The following ERC1 variants were observed in gnomAD, a reference collection of about 807,000 sequenced individuals.
The protein encoded by ERC1 is RAB6 interacting protein 2.
ERC1 carries 56 observed loss-of-function variants against 132.0 expected under a neutral mutation model. The observed-to-expected ratio is 0.42, with a 90% CI of 0.34 to 0.53. The LOEUF (loss-of-function observed/expected upper bound fraction) is 0.53. Ranked by LOEUF, ERC1 falls within the 20% of genes least tolerant of loss-of-function variation. The pLI is 0.03. For missense variants in ERC1, 1,202 were observed against 1,349.9 expected (o/e 0.89, Z 1.72); for synonymous variants, 478 against 476.1 (o/e 1.00, Z -0.05).
chr12:1,495,089 C>T lies in ERC1; in HGVS notation c.*4859C>T, dbSNP rs1163731294. On this transcript the variant is annotated 3_prime_UTR_variant, in exon 19 of 19. Coordinates refer to ENST00000360905, the MANE Select transcript of ERC1 (RefSeq NM_178040.4). ...GTAGAGGTTTCACAGTTTGTGACCCCATAACCACCCTCACCCGACGTGGGT... is the reference window on the plus strand; with the variant it reads ...GTAGAGGTTTCACAGTTTGTGACCCTATAACCACCCTCACCCGACGTGGGT... 4.4e-6 allele frequency: 1 copy of T among 229,850 alleles called. No homozygotes were observed. The allele number at this position is 229,850 out of a possible 1,614,324, so 14.2% of individuals were successfully genotyped here. A position where few individuals can be genotyped will look rare whatever the true frequency, so the allele number is the denominator to read the frequency against.
intron 3 of ERC1, among the ~76,000 whole-genome samples, chr12:1,102,584 C>T (rs1230076712): frequency 6.6e-6 from 1 of 152,198 alleles, no homozygotes; most frequent in African/African-American, 2.4e-5. Context: ...GTAGCCATTT[C>T]ATTCATTCAG....
intron 15 of ERC1, among the ~76,000 whole-genome samples, chr12:1,345,652 G>A (rs926074094): frequency 3.9e-5 from 6 of 152,204 alleles, no homozygotes; most frequent in African/African-American, 1.4e-4. Flanking sequence ...CTTCTCACCA[G>A]TTTTTAATGA....
At chr12:1,325,829 T>C (rs530380989) in intron 15 of ERC1, among the ~76,000 whole-genome samples, 8 of 152,134 alleles carry the variant, frequency 5.3e-5, no homozygotes, top group Non-Finnish European at 1.0e-4. Context: ...TATGCACCCG[T>C]TTGTCTATTC....
chr12:1,456,647 T>C (rs182378548), intron 18 of ERC1, among the ~76,000 whole-genome samples: 91 of 152,170 alleles, frequency 6.0e-4, no homozygotes, highest in African/African-American at 1.9e-3. Context: ...TTATATAAAA[T>C]TGGAAGTTAT....
intron 8 of ERC1, among the ~76,000 whole-genome samples, chr12:1,151,340 C>T (rs1233830830): frequency 6.6e-6 from 1 of 152,156 alleles, no homozygotes; most frequent in Non-Finnish European, 1.5e-5. Context: ...AGTAGTCAAC[C>T]TAATTCTATT....
At position 1,182,105 on chromosome 12, in the gene ERC1, C is replaced by T. The variant is rs2968901; in HGVS notation, c.2016+40C>T. ...AATGGAATTAGTTTGTTTGCTTAAT[C>T]ATTGCATGTGTCTGTATGTTGGTGT... On this transcript the variant is annotated intron_variant, in intron 10 of 18. Transcript: ENST00000360905. 0.019 allele frequency: 29,992 copies of T among 1,596,094 alleles called. 4,681 individuals carry two copies. The African/African-American group carries it at 0.35, about 18-fold the overall frequency.
chr12:1,495,315 C>T lies in ERC1; in HGVS notation c.*5085C>T, dbSNP rs1486050559. The T allele has an allele frequency of 4.4e-6, 1 of 229,562 alleles. No homozygotes were observed. Among genetic ancestry groups the T allele is most frequent in the Non-Finnish European group, 8.6e-6 (1 of 115,842 alleles). 14.2% of individuals were successfully genotyped at this position (229,562 alleles called of 1,614,324 possible). ...CATGTCAGTTCCTTCTGGCTTCAGGCCCTCAATTATTTCCCTTTGAGCTTT... is the reference window on the plus strand; with the variant it reads ...CATGTCAGTTCCTTCTGGCTTCAGGTCCTCAATTATTTCCCTTTGAGCTTT... On this transcript the variant is annotated 3_prime_UTR_variant, in exon 19 of 19. Transcript: ENST00000360905.
intron 13 of ERC1, among the ~76,000 whole-genome samples, chr12:1,262,356 G>A (rs10161285): frequency 0.26 from 40,000 of 151,982 alleles, 6,739 homozygotes; most frequent in African/African-American, 0.48. Context: ...TCACCTCTCC[G>A]GAAGCTGTGT....
At chr12:1,480,056 A>C (rs1022707096) in intron 18 of ERC1, among the ~76,000 whole-genome samples, 1 of 150,190 alleles carries the variant, frequency 6.7e-6, no homozygotes, top group Non-Finnish European at 1.5e-5. Flanking sequence ...TTTCCTCCAG[A>C]GTATCTTGGT....
In ERC1 at chr12:1,454,630, T is replaced by G. The variant is rs570261388; in HGVS notation, c.3213+9880T>G. Among the ~76,000 whole-genome samples the G allele has an allele frequency of 2.6e-5, 4 of 152,306 alleles. No individual in the cohort carries two copies. The East Asian group carries it at 7.7e-4, about 29-fold the overall frequency. On this transcript the variant is annotated intron_variant, in intron 18 of 18. Transcript: ENST00000360905. Reference sequence around the variant, plus strand: ...ACTCTGTGAGATTAGGAAAAACACTTTGTTTTTTCCTGCCTCTAATAATAA... The same window carrying G: ...ACTCTGTGAGATTAGGAAAAACACTGTGTTTTTTCCTGCCTCTAATAATAA...
intron 14 of ERC1, among the ~76,000 whole-genome samples, chr12:1,282,497 A>G (rs1246032633): frequency 6.6e-6 from 1 of 152,230 alleles, no homozygotes; most frequent in Non-Finnish European, 1.5e-5. Context: ...TACTGCCGGT[A>G]TATATCTTGT....
chr12:1,339,635 T>C (rs189722398), intron 15 of ERC1, among the ~76,000 whole-genome samples: 4 of 152,262 alleles, frequency 2.6e-5, no homozygotes, highest in African/African-American at 9.6e-5. Flanking sequence ...ATGTAGGCAT[T>C]CACTGCAGTG....
intron 15 of ERC1, among the ~76,000 whole-genome samples, chr12:1,346,239 A>G (rs1204249909): frequency 6.6e-6 from 1 of 152,216 alleles, no homozygotes; most frequent in African/African-American, 2.4e-5. Context: ...GAAGGTTCAG[A>G]TCGTCTGTGA....
At chr12:1,002,964 A>G (rs1962702294) in intron 1 of ERC1, among the ~76,000 whole-genome samples, 3 of 144,230 alleles carry the variant, frequency 2.1e-5, no homozygotes, top group Admixed American at 2.0e-4. Context: ...AAGACTTCTT[A>G]AGGAGGCCAG....
chr12:1,491,858 A>G lies in ERC1; in HGVS notation c.*1628A>G, dbSNP rs4766374. The stretch of plus-strand genomic sequence containing the variant: ...TCATAAATAATTAGGCAGGAACTTA[A>G]CCCAAATCTAGTTCTTTGACCACCT... On this transcript the variant is annotated 3_prime_UTR_variant, in exon 19 of 19. Transcript: ENST00000360905. 0.069 allele frequency: 16,096 copies of G among 232,566 alleles called. 1,131 individuals are homozygous for G. The highest frequency in any genetic ancestry group is 0.2 in the African/African-American group (9,260 of 45,336). The allele number at this position is 232,566 out of a possible 1,614,324, so 14.4% of individuals were successfully genotyped here. A position where few individuals can be genotyped will look rare whatever the true frequency, so the allele number is the denominator to read the frequency against.
At chr12:1,324,073 T>A (rs576530765) in intron 15 of ERC1, among the ~76,000 whole-genome samples, 2 of 152,244 alleles carry the variant, frequency 1.3e-5, no homozygotes, top group Non-Finnish European at 2.9e-5. Flanking sequence ...ATTTGAACAG[T>A]GCCCCTTTAG....
intron 12 of ERC1, among the ~76,000 whole-genome samples, chr12:1,222,743 T>G (rs767883995): frequency 1.3e-5 from 2 of 152,198 alleles, no homozygotes; most frequent in South Asian, 4.1e-4. Context: ...TGGGAGATTT[T>G]ATGGTATAGT....
intron 17 of ERC1, among the ~76,000 whole-genome samples, chr12:1,437,613 G>A (rs1035813869): frequency 6.6e-6 from 1 of 152,214 alleles, no homozygotes; most frequent in African/African-American, 2.4e-5. Flanking sequence ...TTAACTGAAT[G>A]AAGATTGAAT....
At chr12:1,433,404 G>T (rs1030106568) in intron 17 of ERC1, among the ~76,000 whole-genome samples, 1 of 152,190 alleles carries the variant, frequency 6.6e-6, no homozygotes, top group Admixed American at 6.5e-5. Context: ...TTAACCTGAT[G>T]CTTTCTTCTG....
Sources: allele counts gnomAD v4.1 joint callset (sites outside exome capture counted in the v4.1 genomes callset), GRCh38; gene constraint gnomAD v4.1.1; transcripts MANE v1.5; gene names NCBI Gene and HGNC (gene_info 2026-07-23, HGNC 2026-07-21).